Variants in ANO6 observed in about 807,000 individuals in gnomAD.
ANO6 encodes anoctamin 6, also known as anoctamin-6.
In ANO6, 106 loss-of-function variants were observed where a neutral mutation model predicts 117.5. That is an observed-to-expected ratio of 0.90 (90% confidence interval 0.77 to 1.06). The LOEUF (loss-of-function observed/expected upper bound fraction) is 1.06, where lower values mean the gene tolerates loss of function less well. Ranked by LOEUF, ANO6 falls within the 50% of genes least tolerant of loss-of-function variation. The pLI, the probability that ANO6 is intolerant of heterozygous loss-of-function variation, is 0.00. For missense variants in ANO6, 955 were observed against 1,121.1 expected (o/e 0.85, Z 2.12); for synonymous variants, 367 against 385.1 (o/e 0.95, Z 0.55).
intron 17 of ANO6, 78 bp downstream of exon 17, chr12:45,416,982 T>C: frequency 1.4e-6 from 2 of 1,457,198 alleles, no homozygotes; most frequent in East Asian, 2.3e-5. Flanking sequence ...AAATGTTTAG[T>C]GTTTTTTAAA....
chr12:45,411,429 A>G lies in ANO6; in HGVS notation c.2011+1942A>G, dbSNP rs556078805. On this transcript the variant is annotated intron_variant, in intron 16 of 19. Coordinates refer to ENST00000320560, the MANE Select transcript of ANO6 (RefSeq NM_001025356.3). ...GATTTCTGAATTTCTGGGAGTAGGC[A>G]GTCTGTCACTGTGTGGGCAACAGGA... Among the ~76,000 whole-genome samples, 3 of 152,342 alleles carry G rather than the reference A, an allele frequency of 2.0e-5. 1 individual carries two copies. Among genetic ancestry groups the G allele is most frequent in the African/African-American group, 7.2e-5 (3 of 41,580 alleles).
At chr12:45,374,014 A>G (rs1288127052) in intron 9 of ANO6, among the ~76,000 whole-genome samples, 1 of 152,126 alleles carries the variant, frequency 6.6e-6, no homozygotes, top group African/African-American at 2.4e-5. Flanking sequence ...AAAATGATAA[A>G]GGGGATATCA....
At chr12:45,370,008 G>T (rs988698656) in intron 9 of ANO6, among the ~76,000 whole-genome samples, 1 of 152,136 alleles carries the variant, frequency 6.6e-6, no homozygotes, top group South Asian at 2.1e-4. Flanking sequence ...ATTCTAGTTG[G>T]TTTCTCTGCT....
intron 18 of ANO6, among the ~76,000 whole-genome samples, chr12:45,422,273 G>C (rs952159478): frequency 6.6e-6 from 1 of 152,144 alleles, no homozygotes; most frequent in Non-Finnish European, 1.5e-5. Context: ...TGAGGAGAGA[G>C]AGTCCCATAG....
chr12:45,344,193 C>A (rs1021790503), intron 3 of ANO6, among the ~76,000 whole-genome samples: 2 of 152,156 alleles, frequency 1.3e-5, no homozygotes, highest in African/African-American at 4.8e-5. Context: ...CTCTATATTT[C>A]CTCTGTAGCA....
rs1940317122 is a variant in ANO6 at position 45,322,607 on chromosome 12, G to C, written c.151-8688G>C. On this transcript the variant is annotated intron_variant, in intron 2 of 19. Coordinates refer to ENST00000320560, the MANE Select transcript of ANO6 (RefSeq NM_001025356.3). ...GTAAAAGGTAAGTTGGTGAACAGGAGAACTGGATGCAAGGAGACCAGTGGG... is the reference window on the plus strand; with the variant it reads ...GTAAAAGGTAAGTTGGTGAACAGGACAACTGGATGCAAGGAGACCAGTGGG... Among the ~76,000 whole-genome samples the C allele has an allele frequency of 3.3e-5, 5 of 152,134 alleles. No individual in the cohort carries two copies. The South Asian group carries it at 1.0e-3, about 32-fold the overall frequency.
At chr12:45,388,034 C>T (rs1942344604) in intron 10 of ANO6, 127 bp from the exon 11 acceptor site, 3 of 1,247,370 alleles carry the variant, frequency 2.4e-6, no homozygotes, top group South Asian at 2.5e-5. Context: ...ATTACCCAGT[C>T]CAGGTAGTTC....
In ANO6 at chr12:45,357,378, G is replaced by T. The variant is rs770568121; in HGVS notation, c.952G>T (p.Ala318Ser). ...MLLLAAVVGV[A>S]CFLYGYLNQD... is the part of the protein sequence containing the mutation. ...TCTCCTGGCCGCAGTTGTAGGAGTG[G>T]CTTGCTTTCTCTATGGATATCTTAA... The change falls in exon 8 of 20, where the codon GCT (alanine) becomes TCT (serine). Residue 318 changes from alanine (A) to serine (S), a missense_variant. Physicochemically the swap from Ala to Ser is moderately conservative, Grantham distance 99. Coordinates refer to ENST00000320560, the MANE Select transcript of ANO6 (RefSeq NM_001025356.3). 5.0e-6 allele frequency: 8 copies of T among 1,613,980 alleles called. No individual in the cohort carries two copies. The highest frequency in any genetic ancestry group is 6.8e-6 in the Non-Finnish European group (8 of 1,179,992).
chr12:45,216,362 A>G lies in ANO6; in HGVS notation c.41A>G (p.Glu14Gly). The G allele has an allele frequency of 6.2e-7, 1 of 1,613,044 alleles. No homozygotes were observed. Among genetic ancestry groups the G allele is most frequent in the Non-Finnish European group, 8.5e-7 (1 of 1,179,470 alleles). ...MSRNVLLQME[E>G]EEDDDDGDIV... Reference sequence around the variant, plus strand: ...AGGAATGTTTTGCTACAAATGGAGGAGGAGGAGGACGACGACGATGGGGAT... The same window carrying G: ...AGGAATGTTTTGCTACAAATGGAGGGGGAGGAGGACGACGACGATGGGGAT... The change falls in exon 1 of 20, where the codon GAG becomes GGG. Residue 14 changes from glutamate to glycine, a missense_variant. Physicochemically the swap from Glu to Gly is moderately conservative, Grantham distance 98. Transcript: ENST00000320560.
At chr12:45,312,825 C>A (rs1939890289) in intron 2 of ANO6, among the ~76,000 whole-genome samples, 1 of 151,922 alleles carries the variant, frequency 6.6e-6, no homozygotes, top group Admixed American at 6.6e-5. Flanking sequence ...TTGTAATGGG[C>A]AAACCAATAA....
chr12:45,395,930 A>C (rs1236709943), intron 12 of ANO6, among the ~76,000 whole-genome samples: 1 of 152,224 alleles, frequency 6.6e-6, no homozygotes, highest in Non-Finnish European at 1.5e-5. Context: ...GAAAACTGGC[A>C]CAAGACAAGG....
chr12:45,329,378 G>A (rs960485738), intron 2 of ANO6, among the ~76,000 whole-genome samples: 1 of 152,094 alleles, frequency 6.6e-6, no homozygotes, highest in Non-Finnish European at 1.5e-5. Context: ...GTACCATATT[G>A]GAGTTTGACC....
At position 45,265,646 on chromosome 12, in the gene ANO6, T is replaced by C. The variant is rs1273571574; in HGVS notation, c.71-36368T>C. On this transcript the variant is annotated intron_variant, in intron 1 of 19. Transcript: ENST00000320560. ...ATCATCCAGTTAACCTTCCCGATTC[T>C]TGTCATTTCTCTACCACCTCCAGTC... 2.6e-5 allele frequency among the ~76,000 whole-genome samples: 4 copies of C among 152,190 alleles called. No homozygotes were observed. In the East Asian group the frequency reaches 7.7e-4, roughly 29 times the overall value.
intron 1 of ANO6, among the ~76,000 whole-genome samples, chr12:45,244,519 G>A (rs1408770035): frequency 2.6e-5 from 4 of 151,990 alleles, no homozygotes; most frequent in South Asian, 2.1e-4. Flanking sequence ...TCTCTGGTGA[G>A]AGGAATCTAT....
intron 1 of ANO6, among the ~76,000 whole-genome samples, chr12:45,280,877 TATAG>T (rs200684208): frequency 1.7e-4 from 14 of 82,976 alleles, no homozygotes; most frequent in East Asian, 1.3e-3. Flanking sequence ...TTTATATATA[TATAG>T]AGAGAGAGAG....
At chr12:45,363,833 C>T (rs1223477673) in intron 8 of ANO6, among the ~76,000 whole-genome samples, 2 of 152,192 alleles carry the variant, frequency 1.3e-5, no homozygotes, top group African/African-American at 4.8e-5. Context: ...TGCCTGCCTC[C>T]ATATAAGACA....
chr12:45,241,519 T>C (rs1394666243), intron 1 of ANO6, among the ~76,000 whole-genome samples: 2 of 152,218 alleles, frequency 1.3e-5, no homozygotes, highest in African/African-American at 4.8e-5. Flanking sequence ...TCAGAGAAGT[T>C]TGTTATTACC....
chr12:45,439,946 C>T (rs1431282143), exon 20 of ANO6: 6 of 1,463,084 alleles, frequency 4.1e-6, no homozygotes, highest in Non-Finnish European at 5.4e-6. Flanking sequence ...TAGATTTATT[C>T]AATAATTCAT....
intron 13 of ANO6, among the ~76,000 whole-genome samples, chr12:45,402,347 T>G (rs935504523): frequency 1.3e-5 from 2 of 152,228 alleles, no homozygotes; most frequent in Non-Finnish European, 2.9e-5. Flanking sequence ...AATAGGGTCA[T>G]GGTTCCGGTG....
Sources: gnomAD v4.1 joint callset for allele counts (sites outside exome capture counted in the v4.1 genomes callset) on GRCh38, gnomAD v4.1.1 for gene constraint, MANE v1.5 for transcripts, NCBI Gene and HGNC (gene_info 2026-07-23, HGNC 2026-07-21) for gene names.